TMEM114: variants seen among roughly 807,000 people sequenced by gnomAD.
The protein encoded by TMEM114 is claudin-26.
A neutral mutation model predicts 6.2 loss-of-function variants in TMEM114; 6 were observed. The observed-to-expected ratio is 0.97, with a 90% CI of 0.53 to 1.91. TMEM114 has a LOEUF of 1.91. TMEM114 is among the 40% of genes most tolerant of loss of function. The pLI is 0.01. For synonymous variants in TMEM114, 104 were observed against 73.0 expected (o/e 1.42, Z -2.16); for missense variants, 218 against 158.3 (o/e 1.38, Z -2.02).
At chr16:8,549,818 A>G (rs1045148245) in intron 2 of TMEM114, among the ~76,000 whole-genome samples, 1 of 152,134 alleles carries the variant, frequency 6.6e-6, no homozygotes. Context: ...AAGTAATAGG[A>G]TAGATGTTGA....
At chr16:8,531,496 C>G in the TMEM114 span, among the ~76,000 whole-genome samples, 3 of 152,188 alleles carry the variant, frequency 2.0e-5, no homozygotes, top group African/African-American at 7.2e-5. Flanking sequence ...TGTTGGTTTT[C>G]TTCAAGGAGT....
intron 2 of TMEM114, among the ~76,000 whole-genome samples, chr16:8,554,223 G>T (rs976752686): frequency 6.6e-6 from 1 of 150,916 alleles, no homozygotes; most frequent in Non-Finnish European, 1.5e-5. Context: ...TTCACTGCCT[G>T]GGCCCTGCAA....
chr16:8,560,446 C>T (rs532372087), intron 2 of TMEM114, among the ~76,000 whole-genome samples: 18 of 152,096 alleles, frequency 1.2e-4, no homozygotes, highest in Non-Finnish European at 2.4e-4. Flanking sequence ...AAGTGCTTGG[C>T]CATGTTAACA....
At chr16:8,568,746 C>G (rs1256595041), downstream of TMEM114, among the ~76,000 whole-genome samples, 1 of 152,232 alleles carries the variant, frequency 6.6e-6, no homozygotes, top group Non-Finnish European at 1.5e-5. Flanking sequence ...GGAACAGAAT[C>G]TCAGCCATGG....
chr16:8,546,087 C>T (rs550136255), intron 2 of TMEM114, among the ~76,000 whole-genome samples: 1 of 152,132 alleles, frequency 6.6e-6, no homozygotes, highest in South Asian at 2.1e-4. Context: ...TGCACTCCAG[C>T]CTGGGAACAG....
chr16:8,568,353 A>T (rs959145830), downstream of TMEM114, among the ~76,000 whole-genome samples: 9 of 152,170 alleles, frequency 5.9e-5, no homozygotes, highest in African/African-American at 2.2e-4. Flanking sequence ...GGCGTGGAGA[A>T]TAGCACAGGT....
At chr16:8,585,775 G>T (rs529424035) in intron 2 of TMEM114, among the ~76,000 whole-genome samples, 22 of 152,242 alleles carry the variant, frequency 1.4e-4, no homozygotes, top group African/African-American at 5.1e-4. Context: ...ACCACATTAG[G>T]CTCTTTAAAT....
At chr16:8,558,765 G>A (rs1314028290) in intron 2 of TMEM114, among the ~76,000 whole-genome samples, 4 of 150,992 alleles carry the variant, frequency 2.6e-5, no homozygotes, top group Non-Finnish European at 5.9e-5. Context: ...TTTTCGACAT[G>A]GAGTTTACTC....
chr16:8,550,909 G>A (rs1010622174), intron 2 of TMEM114, among the ~76,000 whole-genome samples: 5 of 152,166 alleles, frequency 3.3e-5, no homozygotes, highest in African/African-American at 1.2e-4. Flanking sequence ...CGCAGTAGAA[G>A]ACTGAGCAAA....
intron 2 of TMEM114, among the ~76,000 whole-genome samples, chr16:8,560,736 C>T (rs1435945657): frequency 3.9e-5 from 6 of 152,240 alleles, no homozygotes; most frequent in Admixed American, 6.5e-5. Context: ...TTCCAGGGGG[C>T]CCTCACTATG....
intron 2 of TMEM114, among the ~76,000 whole-genome samples, chr16:8,559,065 A>G (rs1330126077): frequency 6.8e-6 from 1 of 147,656 alleles, no homozygotes; most frequent in Admixed American, 6.8e-5. Context: ...TCTTTTTGAG[A>G]TGGAGTTTGC....
intron 2 of TMEM114, among the ~76,000 whole-genome samples, chr16:8,543,891 T>C (rs1900586997): frequency 6.6e-6 from 1 of 152,220 alleles, no homozygotes; most frequent in Non-Finnish European, 1.5e-5. Context: ...GTCCATAACA[T>C]AGGAACCTAC....
At chr16:8,535,176 C>G (rs1900320153), downstream of TMEM114, among the ~76,000 whole-genome samples, 1 of 152,196 alleles carries the variant, frequency 6.6e-6, no homozygotes, top group Admixed American at 6.5e-5. Flanking sequence ...GAACCACATA[C>G]TTCATAAGCC....
At chr16:8,588,068 T>C (rs1320390052) in intron 2 of TMEM114, among the ~76,000 whole-genome samples, 1 of 152,008 alleles carries the variant, frequency 6.6e-6, no homozygotes, top group African/African-American at 2.4e-5. Flanking sequence ...GGCAGATCAC[T>C]TGAGGTCAGG....
chr16:8,549,879 G>A (rs1182503325), intron 2 of TMEM114, among the ~76,000 whole-genome samples: 1 of 152,164 alleles, frequency 6.6e-6, no homozygotes, highest in Non-Finnish European at 1.5e-5. Flanking sequence ...TGATCACAAG[G>A]TGAAGTCCCC....
At chr16:8,579,201 G>A (rs1002674793) in intron 2 of TMEM114, among the ~76,000 whole-genome samples, 1 of 152,202 alleles carries the variant, frequency 6.6e-6, no homozygotes, top group African/African-American at 2.4e-5. Context: ...AGTGGGGAAA[G>A]CAGTCTTCCA....
chr16:8,553,706 C>A (rs1900916108), intron 2 of TMEM114, among the ~76,000 whole-genome samples: 1 of 152,104 alleles, frequency 6.6e-6, no homozygotes, highest in African/African-American at 2.4e-5. Context: ...TGGTCTTGAT[C>A]TCCTGACCTC....
downstream of TMEM114, among the ~76,000 whole-genome samples, chr16:8,564,523 G>T (rs576064955): frequency 6.3e-5 from 3 of 47,246 alleles, no homozygotes; most frequent in African/African-American, 2.4e-4. Context: ...GTGAGTGACG[G>T]AGGGAGGGAA....
chr16:8,535,451 G>A (rs558616239), downstream of TMEM114, among the ~76,000 whole-genome samples: 4 of 151,902 alleles, frequency 2.6e-5, no homozygotes, highest in African/African-American at 9.7e-5. Flanking sequence ...ACATTTGAAG[G>A]GAAGTTAATA....
Sources: gnomAD v4.1 joint callset for allele counts (sites outside exome capture counted in the v4.1 genomes callset) on GRCh38, gnomAD v4.1.1 for gene constraint, MANE v1.5 for transcripts, NCBI Gene and HGNC (gene_info 2026-07-23, HGNC 2026-07-21) for gene names.